The following PCNX1 variants were observed in gnomAD, a reference collection of about 807,000 sequenced individuals.
The protein encoded by PCNX1 is pecanex 1.
PCNX1 carries 78 observed loss-of-function variants against 242.2 expected under a neutral mutation model. The observed-to-expected ratio is 0.32, with a 90% CI of 0.27 to 0.39. PCNX1 has a LOEUF of 0.39. PCNX1 is among the 10% of genes least tolerant of loss of function. The probability of loss-of-function intolerance (pLI) is 1.00; values close to 1 mark genes in which losing one functional copy is unlikely to be tolerated. For missense variants in PCNX1, 2,581 were observed against 2,856.5 expected (o/e 0.90, Z 2.20); for synonymous variants, 1,024 against 1,032.9 (o/e 0.99, Z 0.17).
rs548672327 is a variant in PCNX1, at chr14:70,909,328, G to C, written c.153+1325G>C. 7.8e-4 allele frequency among the ~76,000 whole-genome samples: 118 copies of C among 151,732 alleles called. 1 individual carries two copies. Among genetic ancestry groups the C allele is most frequent in the African/African-American group, 2.7e-3 (113 of 41,422 alleles). On this transcript the variant is annotated intron_variant, in intron 1 of 35. Coordinates refer to ENST00000304743, the MANE Select transcript of PCNX1 (RefSeq NM_014982.3). The stretch of plus-strand genomic sequence containing the variant: ...GTGGCTTGTTTTATTAGGGGGACTT[G>C]TTCAGTCTTGTTGCATTCTGAAAAT...
At chr14:71,075,317 C>A (rs1018942986) in intron 27 of PCNX1, among the ~76,000 whole-genome samples, 2 of 151,978 alleles carry the variant, frequency 1.3e-5, no homozygotes, top group Non-Finnish European at 1.5e-5. Context: ...TGTGTTGTTA[C>A]CTCTCCTCAC....
intron 1 of PCNX1, among the ~76,000 whole-genome samples, chr14:70,918,724 G>A (rs1000434444): frequency 2.6e-5 from 4 of 152,156 alleles, no homozygotes; most frequent in African/African-American, 9.7e-5. Flanking sequence ...GGTTAAAAAT[G>A]CCAAATTTTC....
At chr14:70,926,994 T>C (rs930973892) in intron 1 of PCNX1, among the ~76,000 whole-genome samples, 4 of 152,162 alleles carry the variant, frequency 2.6e-5, no homozygotes, top group African/African-American at 9.7e-5. Context: ...ATCGCTTCAC[T>C]TTCTGCCGCT....
intron 2 of PCNX1, among the ~76,000 whole-genome samples, chr14:70,959,513 AATG>A (rs2058125786): frequency 6.6e-6 from 1 of 151,418 alleles, no homozygotes; most frequent in Non-Finnish European, 1.5e-5. Flanking sequence ...GTTTACTGAG[AATG>A]ATGATTTCCA....
chr14:70,994,360 C>G (rs796310633), intron 7 of PCNX1, among the ~76,000 whole-genome samples: 5 of 133,730 alleles, frequency 3.7e-5, no homozygotes, highest in African/African-American at 1.4e-4. Flanking sequence ...CAGCATAGTT[C>G]CAGAATATAT....
rs1320511637 is a variant in PCNX1, at chr14:71,113,811, TTTAA to T, written c.*3883_*3886del. 9.2e-5 allele frequency: 14 copies of T among 152,194 alleles called. No homozygotes were observed. The highest frequency in any genetic ancestry group is 3.4e-4 in the African/African-American group (14 of 41,460). The allele number at this position is 152,194 out of a possible 1,614,324, so 9.4% of individuals were successfully genotyped here. A position where few individuals can be genotyped will look rare whatever the true frequency, so the allele number is the denominator to read the frequency against. On this transcript the variant is annotated 3_prime_UTR_variant, in exon 36 of 36. Transcript: ENST00000304743. ...GATTGTTAATTTCATTTATATTTAT[TTTAA>T]TTAATTTGTCATGAATATGGACAAA...
At chr14:70,924,995 T>A (rs867899963) in intron 1 of PCNX1, among the ~76,000 whole-genome samples, 4 of 152,012 alleles carry the variant, frequency 2.6e-5, no homozygotes, top group Admixed American at 6.6e-5. Context: ...TTTTTTTTTT[T>A]AATTTTTTAT....
chr14:71,023,861 A>G (rs747605242), intron 13 of PCNX1, among the ~76,000 whole-genome samples: 2 of 152,136 alleles, frequency 1.3e-5, no homozygotes, highest in Non-Finnish European at 2.9e-5. Context: ...TTCCTTGAAT[A>G]TAATTTTTTT....
chr14:71,033,356 A>G, intron 16 of PCNX1, 73 bp from the exon 17 acceptor site: 1 of 725,200 alleles, frequency 1.4e-6, no homozygotes, highest in Non-Finnish European at 2.3e-6. Flanking sequence ...TTTCCAAAAT[A>G]CGTACATAAA....
chr14:70,987,678 T>C (rs2059039117), intron 6 of PCNX1, among the ~76,000 whole-genome samples: 1 of 152,210 alleles, frequency 6.6e-6, no homozygotes, highest in Non-Finnish European at 1.5e-5. Context: ...ATGAAAATCA[T>C]TTTACATTTT....
At chr14:71,069,905 A>T (rs2061548136) in intron 26 of PCNX1, among the ~76,000 whole-genome samples, 1 of 152,208 alleles carries the variant, frequency 6.6e-6, no homozygotes, top group African/African-American at 2.4e-5. Flanking sequence ...TGTTTGATGA[A>T]GGATTCCTCT....
chr14:71,108,691 G>A lies in PCNX1; in HGVS notation c.6389G>A (p.Cys2130Tyr), dbSNP rs1339688279. The A allele has an allele frequency of 7.4e-6, 12 of 1,614,092 alleles. No individual in the cohort carries two copies. The Admixed American group carries it at 1.8e-4, about 25-fold the overall frequency. Reference protein sequence around the residue: ...RASVASQSSYCYSSRHSSLRM... With the variant: ...RASVASQSSYYYSSRHSSLRM... ...TCAGTAGCCAGCCAGTCTTCCTACT[G>A]CTATAGCAGCCGGCATTCATCCCTC... The change falls in exon 34 of 36, where the codon TGC becomes TAC. Residue 2130 changes from cysteine (C) to tyrosine (Y), a missense_variant. Transcript: ENST00000304743.
At chr14:70,946,557 C>T (rs1295596746) in intron 1 of PCNX1, among the ~76,000 whole-genome samples, 2 of 152,206 alleles carry the variant, frequency 1.3e-5, no homozygotes, top group African/African-American at 2.4e-5. Context: ...AAAAGAAACA[C>T]ATGAAATTAA....
intron 1 of PCNX1, among the ~76,000 whole-genome samples, chr14:70,918,064 G>C (rs183068955): frequency 3.3e-5 from 5 of 152,296 alleles, no homozygotes; most frequent in Admixed American, 3.3e-4. Flanking sequence ...AGAGAGTTGG[G>C]GCCTTGCTGT....
At chr14:71,046,291 C>CT (rs2060858869) in intron 20 of PCNX1, among the ~76,000 whole-genome samples, 1 of 151,860 alleles carries the variant, frequency 6.6e-6, no homozygotes, top group Non-Finnish European at 1.5e-5. Context: ...TTTTAAAGAC[C>CT]AACACTTTTC....
rs2059294403 is a variant in PCNX1 at position 70,994,682 on chromosome 14, G to T, written c.2445-1059G>T. ...GGTAAACTTCAATCGACAGATTGCA[G>T]AGTTGCATTGAACATCATGTAGAGA... On this transcript the variant is annotated intron_variant, in intron 7 of 35. Coordinates refer to ENST00000304743, the MANE Select transcript of PCNX1 (RefSeq NM_014982.3). Among the ~76,000 whole-genome samples the T allele has an allele frequency of 2.0e-5, 3 of 151,570 alleles. No homozygotes were observed. In the South Asian group the frequency reaches 6.2e-4, roughly 31 times the overall value.
chr14:71,051,884 T>A lies in PCNX1; in HGVS notation c.4449T>A (p.His1483Gln). Residue 1483 changes from histidine (H) to glutamine (Q), a missense_variant and splice_region_variant, in exon 24 of 36, where the codon CAT becomes CAA. Around this residue, in one of 9 missense-constraint regions of PCNX1, gnomAD observed 99 missense variants for 147.3 expected, o/e 0.67. Transcript: ENST00000304743. ...HAFAQPFAVP[H>Q]SAMLFIQAAV... is the part of the protein sequence containing the mutation. ...TGTCCTTAACTAGTTTTCCCATAGA[T>A]TCAGCCATGCTGTTTATTCAGGCTG... The A allele has an allele frequency of 6.2e-7, 1 of 1,611,514 alleles. No homozygotes were observed. Among genetic ancestry groups the A allele is most frequent in the Non-Finnish European group, 8.5e-7 (1 of 1,179,196 alleles).
intron 1 of PCNX1, among the ~76,000 whole-genome samples, chr14:70,945,976 A>T (rs1342017771): frequency 6.6e-6 from 1 of 152,178 alleles, no homozygotes; most frequent in Non-Finnish European, 1.5e-5. Flanking sequence ...TAGTTGTATT[A>T]CCTCTGCCAG....
intron 1 of PCNX1, among the ~76,000 whole-genome samples, chr14:70,928,250 G>T (rs879534141): frequency 2.0e-5 from 3 of 152,094 alleles, no homozygotes; most frequent in Non-Finnish European, 4.4e-5. Context: ...TCCTGAACTG[G>T]CATTTTGTGA....
Sources: allele counts gnomAD v4.1 joint callset (sites outside exome capture counted in the v4.1 genomes callset), GRCh38; gene constraint gnomAD v4.1.1; regional missense constraint gnomAD v4.1.1; transcripts MANE v1.5; gene names NCBI Gene and HGNC (gene_info 2026-07-23, HGNC 2026-07-21).